The following PPP2R2D variants were observed in gnomAD, a reference collection of about 807,000 sequenced individuals.
PPP2R2D encodes the protein serine/threonine-protein phosphatase 2A 55 kDa regulatory subunit B delta isoform.
In PPP2R2D, 9 loss-of-function variants were observed where a neutral mutation model predicts 31.1. The ratio of observed to expected loss-of-function variants is 0.29; its 90% CI spans 0.17 to 0.51. The LOEUF is 0.51. Ranked by LOEUF, PPP2R2D falls within the 20% of genes least tolerant of loss-of-function variation. The pLI is 0.98. For synonymous variants in PPP2R2D, 179 were observed against 172.6 expected (o/e 1.04, Z -0.29); for missense variants, 391 against 465.6 (o/e 0.84, Z 1.48).
intron 2 of PPP2R2D, among the ~76,000 whole-genome samples, chr10:131,931,052 G>A (rs1197705870): frequency 6.6e-6 from 1 of 152,206 alleles, no homozygotes; most frequent in Non-Finnish European, 1.5e-5. Context: ...CAGCCCAGGT[G>A]TCCTGCCCCA....
In PPP2R2D at chr10:131,947,292, C is replaced by T. The variant is rs1408995384; in HGVS notation, c.821-238C>T. On this transcript the variant is annotated intron_variant, in intron 7 of 8. Coordinates refer to ENST00000455566, the MANE Select transcript of PPP2R2D (RefSeq NM_018461.5). The surrounding 1 kb of genome is among the most constrained non-coding windows in gnomAD (Gnocchi z 4.3). ...GGTCCGGGTGAGACTTGGGCGTCTACGCTTCTCATGCCCATCCCTTGTCCA... is the reference window on the plus strand; with the variant it reads ...GGTCCGGGTGAGACTTGGGCGTCTATGCTTCTCATGCCCATCCCTTGTCCA... Among the ~76,000 whole-genome samples the T allele has an allele frequency of 1.3e-5, 2 of 152,320 alleles. No individual in the cohort carries two copies. Among genetic ancestry groups the T allele is most frequent in the African/African-American group, 2.4e-5 (1 of 41,566 alleles).
intron 3 of PPP2R2D, chr10:131,939,754 G>T: frequency 4.4e-6 from 1 of 225,624 alleles, no homozygotes; most frequent in Non-Finnish European, 8.5e-6. Context: ...CAGAAAATAC[G>T]GCAGGCTGCA....
chr10:131,925,503 C>G (rs897639412), intron 2 of PPP2R2D, among the ~76,000 whole-genome samples: 38 of 152,272 alleles, frequency 2.5e-4, no homozygotes, highest in Non-Finnish European at 3.8e-4. Flanking sequence ...GTATACTTCT[C>G]ATATTTCAAA....
rs1554899837 is a variant in PPP2R2D, at chr10:131,955,826, C to T, written c.1225C>T (p.Arg409Trp). The T allele has an allele frequency of 3.1e-6, 5 of 1,608,962 alleles. No individual in the cohort carries two copies. Among genetic ancestry groups the T allele is most frequent in the African/African-American group, 1.3e-5 (1 of 74,764 alleles). Residue 409 changes from arginine (R) to tryptophan (W), a missense_variant, in exon 9 of 9, where the codon CGG (arginine) becomes TGG (tryptophan). By Grantham distance (101) the Arg-to-Trp change is moderately radical (BLOSUM62 -3). Around this residue, in one of 3 missense-constraint regions of PPP2R2D, gnomAD observed 163 missense variants for 179.5 expected, o/e 0.91. Coordinates refer to ENST00000455566, the MANE Select transcript of PPP2R2D (RefSeq NM_018461.5). ...KPRKVCTGGK[R>W]RKDEISVDSL... is the part of the protein sequence containing the mutation. ...CCGGAAGGTGTGTACGGGGGGTAAGCGGAGGAAAGACGAGATCAGTGTGGA... is the reference window on the plus strand; with the variant it reads ...CCGGAAGGTGTGTACGGGGGGTAAGTGGAGGAAAGACGAGATCAGTGTGGA...
intron 2 of PPP2R2D, among the ~76,000 whole-genome samples, chr10:131,910,466 T>C (rs947887431): frequency 5.0e-4 from 76 of 152,228 alleles, no homozygotes; most frequent in Non-Finnish European, 1.0e-3. Context: ...ATTTTATCAT[T>C]GGTAACAAAT....
the PPP2R2D span, chr10:131,967,518 T>C: frequency 6.6e-6 from 1 of 152,278 alleles, no homozygotes; most frequent in African/African-American, 2.4e-5. Context: ...ATGAAAACGT[T>C]AGATTTAACA....
intron 2 of PPP2R2D, among the ~76,000 whole-genome samples, chr10:131,929,662 C>T (rs9419338): frequency 0.13 from 19,522 of 152,050 alleles, 1,481 homozygotes; most frequent in East Asian, 0.34. Flanking sequence ...CACACCTGCC[C>T]GCTCCATTCT....
At chr10:131,914,759 A>G (rs1554892849) in intron 2 of PPP2R2D, among the ~76,000 whole-genome samples, 1 of 152,146 alleles carries the variant, frequency 6.6e-6, no homozygotes, top group Non-Finnish European at 1.5e-5. Context: ...TGCTCTGGAA[A>G]GCAGATATCC....
chr10:131,939,865 G>C (rs530073161), intron 3 of PPP2R2D, 166 bp from the exon 4 acceptor site: 41 of 395,366 alleles, frequency 1.0e-4, no homozygotes, highest in Middle Eastern at 6.7e-4. Flanking sequence ...AATCAAGTTC[G>C]TTCTTTTTTT....
chr10:131,955,041 G>C (rs782527255), intron 8 of PPP2R2D, among the ~76,000 whole-genome samples: 5 of 152,196 alleles, frequency 3.3e-5, no homozygotes, highest in Non-Finnish European at 7.3e-5. Flanking sequence ...ATATCATGAG[G>C]ATGTGTGCGG....
At chr10:131,918,381 TCAGG>T (rs1249484060) in intron 2 of PPP2R2D, among the ~76,000 whole-genome samples, 2 of 140,486 alleles carry the variant, frequency 1.4e-5, no homozygotes, top group Admixed American at 7.2e-5. Flanking sequence ...TGTAGGGACC[TCAGG>T]CGGGTGGAAT....
At chr10:131,965,045 C>CTA in the PPP2R2D span, among the ~76,000 whole-genome samples, 1 of 152,010 alleles carries the variant, frequency 6.6e-6, no homozygotes, top group African/African-American at 2.4e-5. Flanking sequence ...ATAAAGTATA[C>CTA]TATATATATA....
chr10:131,948,057 G>T (rs1444818835), intron 8 of PPP2R2D, among the ~76,000 whole-genome samples: 2 of 152,238 alleles, frequency 1.3e-5, no homozygotes, highest in Non-Finnish European at 2.9e-5. Context: ...TAAATGCTTA[G>T]TGAATGATAG....
chr10:131,955,565 G>C, intron 8 of PPP2R2D, 119 bp from the exon 9 acceptor site: 1 of 859,788 alleles, frequency 1.2e-6, no homozygotes, highest in Non-Finnish European at 1.6e-6. Flanking sequence ...CCTGATTTCT[G>C]AAAGTAACTG....
the PPP2R2D span, chr10:131,970,440 G>A: frequency 2.8e-6 from 2 of 714,264 alleles, no homozygotes; most frequent in East Asian, 5.5e-5. The surrounding 1 kb of genome is among the most constrained non-coding windows in gnomAD (Gnocchi z 4.1). Flanking sequence ...AGCACCACAG[G>A]GCGCCTGTGC....
chr10:131,954,817 A>C (rs2036763465), intron 8 of PPP2R2D, among the ~76,000 whole-genome samples: 2 of 152,280 alleles, frequency 1.3e-5, no homozygotes, highest in East Asian at 3.9e-4. Context: ...GCAGGACGTG[A>C]GGGCGCGGGT....
At chr10:131,965,683 C>A in the PPP2R2D span, among the ~76,000 whole-genome samples, 2 of 152,174 alleles carry the variant, frequency 1.3e-5, no homozygotes, top group African/African-American at 4.8e-5. Context: ...TGAGCCCAGG[C>A]AATCCACCCG....
the PPP2R2D span, chr10:131,970,695 A>G: frequency 1.2e-6 from 2 of 1,614,214 alleles, no homozygotes; most frequent in Non-Finnish European, 1.7e-6. The surrounding 1 kb of genome is among the most constrained non-coding windows in gnomAD (Gnocchi z 4.1). Context: ...AACTTTCAGA[A>G]ATTCTGCAGA....
At chr10:131,905,322 G>A (rs1190026537) in intron 2 of PPP2R2D, among the ~76,000 whole-genome samples, 20 of 152,122 alleles carry the variant, frequency 1.3e-4, no homozygotes, top group Non-Finnish European at 2.6e-4. Flanking sequence ...TCTAAACGGT[G>A]GCTCCTTTCT....
Sources: gnomAD v4.1 joint callset for allele counts (sites outside exome capture counted in the v4.1 genomes callset) on GRCh38, gnomAD v4.1.1 for gene constraint, gnomAD v4.1.1 regional missense constraint, Gnocchi (gnomAD v3.1) non-coding constraint, MANE v1.5 for transcripts, NCBI Gene and HGNC (gene_info 2026-07-23, HGNC 2026-07-21) for gene names.